The following DPH6 variants were observed in gnomAD, a reference collection of about 807,000 sequenced individuals.
DPH6 encodes the protein diphthine--ammonia ligase.
A neutral mutation model predicts 38.2 loss-of-function variants in DPH6; 33 were observed. The ratio of observed to expected loss-of-function variants is 0.86; its 90% CI spans 0.65 to 1.15. The LOEUF (loss-of-function observed/expected upper bound fraction) is 1.15. Ranked by LOEUF, DPH6 falls within the 50% of genes most tolerant of loss-of-function variation. The probability of loss-of-function intolerance (pLI) is 0.00; values close to 1 mark genes in which losing one functional copy is unlikely to be tolerated. For missense variants in DPH6, 325 were observed against 320.0 expected, an observed-to-expected ratio of 1.02 and a Z score of -0.12; for synonymous variants, 108 against 103.0, an observed-to-expected ratio of 1.05 and a Z score of -0.30.
intron 6 of DPH6, among the ~76,000 whole-genome samples, chr15:35,382,450 AACACACAC>A (rs56269036): frequency 3.0e-4 from 45 of 150,352 alleles, no homozygotes; most frequent in African/African-American, 1.1e-3. Flanking sequence ...CGAAAAACAA[AACACACAC>A]ACACACACAC....
At chr15:35,378,599 G>A (rs377557174) in intron 7 of DPH6, among the ~76,000 whole-genome samples, 3 of 152,132 alleles carry the variant, frequency 2.0e-5, no homozygotes, top group African/African-American at 7.2e-5. Context: ...ACAATAGACT[G>A]GATAAAGAAA....
intron 3 of DPH6, among the ~76,000 whole-genome samples, chr15:35,349,729 CT>C (rs1245418927): frequency 1.3e-5 from 2 of 152,214 alleles, no homozygotes; most frequent in Admixed American, 6.5e-5. Context: ...GCCACTGCCC[CT>C]GGCCTATGTG....
intron 1 of DPH6, among the ~76,000 whole-genome samples, chr15:35,542,965 T>TATATATATATATATA (rs58422347): frequency 1.3e-5 from 1 of 76,168 alleles, no homozygotes; most frequent in East Asian, 5.2e-4. Context: ...TATATATATA[T>TATATATATATATATA]AAAATAATTT....
rs528369635 is a variant in DPH6 at position 35,291,694 on chromosome 15, A to AGAT, written n.201-71115_201-71113dup. Among the ~76,000 whole-genome samples the AGAT allele has an allele frequency of 1.2e-3, 178 of 152,320 alleles. 1 individual carries two copies. The highest frequency in any genetic ancestry group is 4.1e-3 in the African/African-American group (170 of 41,590). ...TTACTTCCAGAATCTCAGCTACAAAAGATGATGTGATATCTTAGGCTTAAG... is the reference window on the plus strand; with the variant it reads ...TTACTTCCAGAATCTCAGCTACAAAAGATGATGATGTGATATCTTAGGCTTAAG... On this transcript the variant is annotated intron_variant and non_coding_transcript_variant, in intron 3 of 3. Transcript: ENST00000560386.
intron 1 of DPH6, among the ~76,000 whole-genome samples, chr15:35,545,278 T>G (rs1216501438): frequency 6.6e-6 from 1 of 152,248 alleles, no homozygotes; most frequent in Non-Finnish European, 1.5e-5. Flanking sequence ...CCCTTCTGCC[T>G]CAGTTTATAG....
chr15:35,360,648 G>A (rs1456791336), intron 3 of DPH6, among the ~76,000 whole-genome samples: 2 of 152,206 alleles, frequency 1.3e-5, no homozygotes, highest in African/African-American at 4.8e-5. Context: ...CCAGTTCAAG[G>A]TCTATAGCCA....
chr15:35,263,850 T>C (rs1182165053), intron 3 of DPH6, among the ~76,000 whole-genome samples: 1 of 152,070 alleles, frequency 6.6e-6, no homozygotes, highest in East Asian at 1.9e-4. Flanking sequence ...TAGCTGGGAC[T>C]ACAGGCGCCC....
At chr15:35,251,378 C>T (rs1459112703) in intron 3 of DPH6, among the ~76,000 whole-genome samples, 1 of 152,174 alleles carries the variant, frequency 6.6e-6, no homozygotes, top group Non-Finnish European at 1.5e-5. Context: ...AGTTCATAAT[C>T]CCACTGTTTT....
chr15:35,537,575 T>G (rs1039503183), intron 3 of DPH6, among the ~76,000 whole-genome samples: 1 of 152,090 alleles, frequency 6.6e-6, no homozygotes, highest in Non-Finnish European at 1.5e-5. Flanking sequence ...AAATATACGC[T>G]CCTAGAAATT....
At chr15:35,419,173 G>T (rs2053474081) in intron 5 of DPH6, among the ~76,000 whole-genome samples, 2 of 151,706 alleles carry the variant, frequency 1.3e-5, no homozygotes, top group African/African-American at 4.8e-5. Context: ...AACTCGAATT[G>T]TTTTGTGGGT....
intron 3 of DPH6, chr15:35,519,142 C>T (rs1248021622): frequency 6.6e-6 from 1 of 151,512 alleles, no homozygotes; most frequent in Non-Finnish European, 1.5e-5. Flanking sequence ...AAAAACTTAG[C>T]TATCAATATA....
Position 35,538,434 on chromosome 15 carries a change from T to C in DPH6, c.152A>G (p.Gln51Arg). 1 of 1,586,116 alleles carries C rather than the reference T, an allele frequency of 6.3e-7. No individual in the cohort carries two copies. Among genetic ancestry groups the C allele is most frequent in the Non-Finnish European group, 8.6e-7 (1 of 1,159,206 alleles). Residue 51 changes from glutamine (Q) to arginine (R), a missense_variant, in exon 3 of 9, where the codon CAG becomes CGG. Physicochemically the swap from Gln to Arg is conservative, Grantham distance 43. Coordinates refer to ENST00000256538, the MANE Select transcript of DPH6 (RefSeq NM_080650.4). ...GSDELDSYMY[Q>R]TVGHHAIDLY... ...GTCAATGGCATGGTGCCCCACTGTC[T>C]GATACATGTAGCTATCCAGTTCATC...
At chr15:35,290,704 C>A (rs747664658) in intron 3 of DPH6, among the ~76,000 whole-genome samples, 13 of 152,194 alleles carry the variant, frequency 8.5e-5, no homozygotes, top group Non-Finnish European at 1.5e-4. Flanking sequence ...TAATTACCCA[C>A]TTCCGTCCCC....
At chr15:35,176,131 T>C in the DPH6 span, among the ~76,000 whole-genome samples, 3 of 152,238 alleles carry the variant, frequency 2.0e-5, no homozygotes, top group Non-Finnish European at 4.4e-5. Flanking sequence ...TCACTGTATA[T>C]ACAATACCCA....
chr15:35,317,070 C>A lies in DPH6; in HGVS notation n.200+56451G>T, dbSNP rs568796275. On this transcript the variant is annotated intron_variant and non_coding_transcript_variant, in intron 3 of 3. Transcript: ENST00000560386. Reference sequence around the variant, plus strand: ...CCAAGGAGTTTGAGACAAGCCTGGGCAACATGGTGAAACCCTATCTCTACA... The same window carrying A: ...CCAAGGAGTTTGAGACAAGCCTGGGAAACATGGTGAAACCCTATCTCTACA... Among the ~76,000 whole-genome samples, 27 of 152,162 alleles carry A rather than the reference C, an allele frequency of 1.8e-4. 1 individual carries two copies. Among genetic ancestry groups the A allele is most frequent in the African/African-American group, 5.5e-4 (23 of 41,510 alleles).
At chr15:35,200,770 G>A in the DPH6 span, among the ~76,000 whole-genome samples, 1 of 151,794 alleles carries the variant, frequency 6.6e-6, no homozygotes, top group African/African-American at 2.4e-5. Flanking sequence ...TGACAAAATT[G>A]TATCATCTTG....
chr15:35,182,639 T>A, the DPH6 span, among the ~76,000 whole-genome samples: 1 of 152,336 alleles, frequency 6.6e-6, no homozygotes, highest in East Asian at 1.9e-4. Context: ...AACAAAGGAA[T>A]GTATGACAAT....
intron 3 of DPH6, among the ~76,000 whole-genome samples, chr15:35,478,986 C>T (rs2054295374): frequency 6.6e-6 from 1 of 151,922 alleles, no homozygotes; most frequent in Admixed American, 6.6e-5. Context: ...CTGAAAAGAA[C>T]AGAAAATTAT....
chr15:35,305,276 A>G (rs1487147799), intron 3 of DPH6, among the ~76,000 whole-genome samples: 1 of 152,134 alleles, frequency 6.6e-6, no homozygotes, highest in Non-Finnish European at 1.5e-5. Context: ...ATAATTATTA[A>G]TAACACCCCT....
Sources: allele counts gnomAD v4.1 joint callset (sites outside exome capture counted in the v4.1 genomes callset), GRCh38; gene constraint gnomAD v4.1.1; transcripts MANE v1.5; gene names NCBI Gene and HGNC (gene_info 2026-07-23, HGNC 2026-07-21).